DNM2: variants seen among roughly 807,000 people sequenced by gnomAD.
The protein encoded by DNM2 is dynamin-2.
In DNM2, 15 loss-of-function variants were observed where a neutral mutation model predicts 99.0. The ratio of observed to expected loss-of-function variants is 0.15; its 90% confidence interval spans 0.10 to 0.23. The LOEUF (loss-of-function observed/expected upper bound fraction) is 0.23, where lower values mean the gene tolerates loss of function less well. Ranked by LOEUF, DNM2 falls within the 10% of genes least tolerant of loss-of-function variation. The pLI, the probability that DNM2 is intolerant of heterozygous loss-of-function variation, is 1.00. For missense variants in DNM2, 742 were observed against 1,189.4 expected, an observed-to-expected ratio of 0.62 and a Z score of 5.53; for synonymous variants, 525 against 481.2, an observed-to-expected ratio of 1.09 and a Z score of -1.19.
intron 2 of DNM2, among the ~76,000 whole-genome samples, chr19:10,767,936 C>G (rs1431234502): frequency 3.9e-5 from 6 of 152,000 alleles, no homozygotes; most frequent in African/African-American, 1.4e-4. Context: ...CTCTGTTGAC[C>G]TGGCATTCAG....
intron 2 of DNM2, chr19:10,769,496 A>G (rs1224557230): frequency 2.0e-5 from 3 of 152,254 alleles, no homozygotes; most frequent in African/African-American, 7.2e-5. Flanking sequence ...GAGGCCTGCT[A>G]GGGAGAGGGC....
intron 16 of DNM2, chr19:10,823,539 G>A: frequency 1.9e-6 from 1 of 513,992 alleles, no homozygotes. Context: ...CACCTCTGGG[G>A]GCCCAGGAAA....
At chr19:10,744,326 G>A (rs577882690) in intron 1 of DNM2, among the ~76,000 whole-genome samples, 46 of 152,290 alleles carry the variant, frequency 3.0e-4, no homozygotes, top group Non-Finnish European at 5.4e-4. Context: ...GATATCCAAG[G>A]CAGGATCTGC....
chr19:10,831,027 G>A lies in DNM2; in HGVS notation c.2593G>A (p.Glu865Lys), dbSNP rs746818628. ...CCGGCCCACCATTATCCGCCCAGCC[G>A]AGCCATCCCTGCTCGACTAGGCCTC... Reference protein sequence around the residue: ...PSRPTIIRPAEPSLLD With the variant: ...PSRPTIIRPAKPSLLD The change falls in exon 21 of 21, where the codon GAG becomes AAG. Residue 865 changes from glutamate to lysine, a missense_variant. This residue lies in a region of DNM2 where 187 missense variants were observed against 218.8 expected (regional missense o/e 0.85). Coordinates refer to ENST00000389253, the MANE Select transcript of DNM2 (RefSeq NM_001005361.3). This position sits in a 1 kb window ranked among gnomAD's most constrained non-coding sequence, Gnocchi z 4.3. 1.4e-5 allele frequency: 22 copies of A among 1,610,468 alleles called. No individual in the cohort carries two copies. Among genetic ancestry groups the A allele is most frequent in the Non-Finnish European group, 1.7e-5 (20 of 1,178,554 alleles).
chr19:10,799,934 G>A (rs978171895), intron 11 of DNM2, among the ~76,000 whole-genome samples: 8 of 151,938 alleles, frequency 5.3e-5, no homozygotes, highest in Non-Finnish European at 8.8e-5. Flanking sequence ...CACCCACGAA[G>A]CACTGGGCCG....
At chr19:10,740,781 A>G (rs1348717678) in intron 1 of DNM2, among the ~76,000 whole-genome samples, 1 of 152,094 alleles carries the variant, frequency 6.6e-6, no homozygotes, top group African/African-American at 2.4e-5. Flanking sequence ...TTTCATTTTC[A>G]TTTATCTCAG....
chr19:10,797,611 C>T lies in DNM2; in HGVS notation c.1335+93C>T, dbSNP rs952131027. The T allele has an allele frequency of 3.2e-6, 5 of 1,585,368 alleles. No homozygotes were observed. In the African/African-American group the frequency reaches 6.7e-5, roughly 21 times the overall value. ...GAGCATCTGGAAAATTCAGCCTCGG[C>T]AGGAACCCCCTTCCGCCTACCAGTT... On this transcript the variant is annotated intron_variant, in intron 10 of 20. Coordinates refer to ENST00000389253, the MANE Select transcript of DNM2 (RefSeq NM_001005361.3).
intron 1 of DNM2, among the ~76,000 whole-genome samples, chr19:10,724,062 C>T (rs779517806): frequency 2.3e-4 from 31 of 136,682 alleles, no homozygotes; most frequent in Non-Finnish European, 4.4e-4. Flanking sequence ...CCAGCCTGGG[C>T]GGAAGAACGA....
rs961039315 is a variant in DNM2, at chr19:10,817,436, T to C, written c.1672-2544T>C. On this transcript the variant is annotated intron_variant, in intron 15 of 20. Coordinates refer to ENST00000389253, the MANE Select transcript of DNM2 (RefSeq NM_001005361.3). The surrounding 1 kb of genome is among the most constrained non-coding windows in gnomAD (Gnocchi z 4.6). Reference sequence around the variant, plus strand: ...GCTCACCCAAGCCCAGCCTAACCAATGTGCAGACTACTGTACACATTGAGA... The same window carrying C: ...GCTCACCCAAGCCCAGCCTAACCAACGTGCAGACTACTGTACACATTGAGA... 5.8e-6 allele frequency: 3 copies of C among 514,882 alleles called. No homozygotes were observed. The highest frequency in any genetic ancestry group is 1.2e-5 in the Non-Finnish European group (3 of 250,574). The allele number at this position is 514,882 out of a possible 1,614,324, so 31.9% of individuals were successfully genotyped here.
intron 2 of DNM2, among the ~76,000 whole-genome samples, chr19:10,771,637 A>G (rs994582930): frequency 6.6e-6 from 1 of 152,152 alleles, no homozygotes; most frequent in East Asian, 1.9e-4. Flanking sequence ...ATGAATCCAC[A>G]AGGACTTGGG....
Position 10,820,701 on chromosome 19 carries a change from G to T in DNM2, c.1781+612G>T, listed in dbSNP as rs183407045. ...CCATTTAGGCCATGCCAAGGGAGAGGGTGCATCAGGGAGGCACCTGGGTAG... is the reference window on the plus strand; with the variant it reads ...CCATTTAGGCCATGCCAAGGGAGAGTGTGCATCAGGGAGGCACCTGGGTAG... On this transcript the variant is annotated intron_variant, in intron 16 of 20. Transcript: ENST00000389253. This position sits in a 1 kb window ranked among gnomAD's most constrained non-coding sequence, Gnocchi z 4.3. Among the ~76,000 whole-genome samples the T allele has an allele frequency of 6.6e-6, 1 of 152,344 alleles. No individual in the cohort carries two copies. Among genetic ancestry groups the T allele is most frequent in the East Asian group, 1.9e-4 (1 of 5,182 alleles).
intron 7 of DNM2, 100 bp downstream of exon 7, chr19:10,786,806 A>C: frequency 3.2e-6 from 5 of 1,570,724 alleles, no homozygotes; most frequent in Non-Finnish European, 4.3e-6. Flanking sequence ...TCGTCCACTC[A>C]TTGATTCAGC....
intron 12 of DNM2, 111 bp from the exon 13 acceptor site, chr19:10,805,805 A>G: frequency 7.3e-7 from 1 of 1,365,774 alleles, no homozygotes; most frequent in Non-Finnish European, 1.0e-6. Flanking sequence ...CTCTGCCTCT[A>G]CCTGTGGCTG....
At chr19:10,794,046 G>A (rs1289903242) in intron 8 of DNM2, among the ~76,000 whole-genome samples, 191 bp downstream of exon 8, 1 of 152,142 alleles carries the variant, frequency 6.6e-6, no homozygotes, top group Non-Finnish European at 1.5e-5. Context: ...TTGAGGTTTT[G>A]GGCAGAACAA....
Position 10,796,103 on chromosome 19 carries a change from G to A in DNM2, c.1196+664G>A, listed in dbSNP as rs2146025982. ...CGGACTTGGCATTCGAGGCCATTGT[G>A]AAAAAGCAGGTCGTCAAGCTGAAAG... On this transcript the variant is annotated intron_variant, in intron 9 of 20. Transcript: ENST00000389253. This position sits in a 1 kb window ranked among gnomAD's most constrained non-coding sequence, Gnocchi z 5.6. 1 of 1,614,098 alleles carries A rather than the reference G, an allele frequency of 6.2e-7. No homozygotes were observed. Among genetic ancestry groups the A allele is most frequent in the Admixed American group, 1.7e-5 (1 of 60,020 alleles).
chr19:10,785,284 A>AT (rs779391429), intron 6 of DNM2, among the ~76,000 whole-genome samples: 3,175 of 141,214 alleles, frequency 0.022, 95 homozygotes, highest in African/African-American at 0.064. Flanking sequence ...CACCCGGCTA[A>AT]TTTTTTTTTT....
rs767175504 is a variant in DNM2, at chr19:10,830,110, C to A, written c.2292-17C>A. 1.9e-6 allele frequency: 3 copies of A among 1,613,814 alleles called. No individual in the cohort carries two copies. The South Asian group carries it at 3.3e-5, about 18-fold the overall frequency. ...CTCCATCTGTATCTGTAGCTCACAC[C>A]CTCTCCTTCCTCACAGCCCCACTCC... On this transcript the variant is annotated splice_polypyrimidine_tract_variant and intron_variant, in intron 19 of 20. Coordinates refer to ENST00000389253, the MANE Select transcript of DNM2 (RefSeq NM_001005361.3). The surrounding 1 kb of genome is among the most constrained non-coding windows in gnomAD (Gnocchi z 4.8).
At chr19:10,806,474 A>G (rs1185665944) in intron 13 of DNM2, among the ~76,000 whole-genome samples, 2 of 151,884 alleles carry the variant, frequency 1.3e-5, no homozygotes, top group African/African-American at 4.8e-5. Context: ...CATCCGGGGC[A>G]ATACAATGAG....
rs187444696 is a variant in DNM2, at chr19:10,784,996, G to A, written c.850-1568G>A. ...GCGCCACCACACTCAACTAACTTTT[G>A]TATTTTTAGCAGAGACAGGGTTTCA... On this transcript the variant is annotated intron_variant, in intron 6 of 20. Coordinates refer to ENST00000389253, the MANE Select transcript of DNM2 (RefSeq NM_001005361.3). Among the ~76,000 whole-genome samples the A allele has an allele frequency of 7.9e-5, 12 of 151,192 alleles. No individual in the cohort carries two copies. In the East Asian group the frequency reaches 2.1e-3, roughly 27 times the overall value.
Sources: gnomAD v4.1 joint callset for allele counts (sites outside exome capture counted in the v4.1 genomes callset) on GRCh38, gnomAD v4.1.1 for gene constraint, gnomAD v4.1.1 regional missense constraint, Gnocchi (gnomAD v3.1) non-coding constraint, MANE v1.5 for transcripts, NCBI Gene and HGNC (gene_info 2026-07-23, HGNC 2026-07-21) for gene names.